Variants in GRID2 observed in about 807,000 individuals in gnomAD.
GRID2 encodes the protein glutamate receptor ionotropic, delta-2.
In GRID2, 33 loss-of-function variants were observed where a neutral mutation model predicts 114.8. The ratio of observed to expected loss-of-function variants is 0.29; its 90% CI spans 0.22 to 0.38. The LOEUF is 0.38. Ranked by LOEUF, GRID2 falls within the 10% of genes least tolerant of loss-of-function variation. The pLI is 1.00. For missense variants in GRID2, 1,184 were observed against 1,257.7 expected, an observed-to-expected ratio of 0.94 and a Z score of 0.89; for synonymous variants, 505 against 449.9, an observed-to-expected ratio of 1.12 and a Z score of -1.55.
chr4:93,428,250 A>G (rs1376205712), intron 10 of GRID2, among the ~76,000 whole-genome samples: 2 of 152,126 alleles, frequency 1.3e-5, no homozygotes, highest in African/African-American at 4.8e-5. Context: ...TTCCTTTTTC[A>G]TATATTAATT....
rs147174771 is a variant in GRID2, at chr4:92,417,341, A to G, written c.88+112597A>G. Among the ~76,000 whole-genome samples the G allele has an allele frequency of 4.3e-3, 653 of 152,212 alleles. 5 individuals are homozygous for G. Among genetic ancestry groups the G allele is most frequent in the South Asian group, 0.029 (139 of 4,828 alleles). The stretch of plus-strand genomic sequence containing the variant: ...AATACTCTGAAAAGTAATCCCAAAG[A>G]CAATTGTTATGGTTTGACTATGTTC... On this transcript the variant is annotated intron_variant, in intron 1 of 15. Transcript: ENST00000282020.
chr4:93,370,592 TTTTTTGAGATCAGAG>T (rs1233530352), intron 8 of GRID2, among the ~76,000 whole-genome samples: 1 of 152,158 alleles, frequency 6.6e-6, no homozygotes, highest in African/African-American at 2.4e-5. Flanking sequence ...GCTCATGTTA[TTTTTTGAGATCAGAG>T]TGTTCTTCCC....
chr4:92,991,189 T>C (rs997177812), intron 2 of GRID2, among the ~76,000 whole-genome samples: 1 of 152,186 alleles, frequency 6.6e-6, no homozygotes, highest in African/African-American at 2.4e-5. Context: ...CCTGACTTTG[T>C]TTAAATTTTA....
chr4:92,603,419 C>G (rs1294296173), intron 2 of GRID2, among the ~76,000 whole-genome samples: 2 of 152,088 alleles, frequency 1.3e-5, no homozygotes, highest in Non-Finnish European at 2.9e-5. Context: ...TGATCTTAAA[C>G]AAACCTGACA....
chr4:93,024,220 G>A (rs1004635971), intron 2 of GRID2, among the ~76,000 whole-genome samples: 2 of 151,558 alleles, frequency 1.3e-5, no homozygotes, highest in Non-Finnish European at 3.0e-5. Flanking sequence ...ACTCCAAAAT[G>A]TATTATGCAA....
At chr4:93,175,393 A>G (rs1739258551) in intron 4 of GRID2, among the ~76,000 whole-genome samples, 1 of 151,964 alleles carries the variant, frequency 6.6e-6, no homozygotes, top group Non-Finnish European at 1.5e-5. Flanking sequence ...CTGGTCTCGA[A>G]CTCCTGACCT....
chr4:93,398,149 A>ATC (rs1360710169), intron 9 of GRID2, among the ~76,000 whole-genome samples: 4 of 145,396 alleles, frequency 2.8e-5, no homozygotes, highest in African/African-American at 5.3e-5. Flanking sequence ...ATATATATAT[A>ATC]TATCTTATCA....
At chr4:93,015,698 A>G (rs1177504624) in intron 2 of GRID2, among the ~76,000 whole-genome samples, 1 of 152,152 alleles carries the variant, frequency 6.6e-6, no homozygotes, top group Non-Finnish European at 1.5e-5. Flanking sequence ...TAGACCCACA[A>G]TTCTGTTTTA....
chr4:92,720,832 C>G (rs1281567316), intron 2 of GRID2, among the ~76,000 whole-genome samples: 1 of 151,988 alleles, frequency 6.6e-6, no homozygotes, highest in Non-Finnish European at 1.5e-5. Context: ...GCAGCAGGGA[C>G]TTGAACAGAT....
At chr4:92,394,741 A>G (rs903761174) in intron 1 of GRID2, among the ~76,000 whole-genome samples, 9 of 152,060 alleles carry the variant, frequency 5.9e-5, no homozygotes, top group African/African-American at 2.2e-4. Context: ...GCTGTCAGTA[A>G]ACATTTATTT....
intron 14 of GRID2, among the ~76,000 whole-genome samples, chr4:93,697,284 G>C (rs565931290): frequency 6.6e-6 from 1 of 152,226 alleles, no homozygotes; most frequent in South Asian, 2.1e-4. Context: ...AAGTAGACTA[G>C]TTTGTGGGCT....
At chr4:93,208,948 A>T (rs1339900087) in intron 5 of GRID2, among the ~76,000 whole-genome samples, 1 of 152,026 alleles carries the variant, frequency 6.6e-6, no homozygotes, top group Non-Finnish European at 1.5e-5. Context: ...TTCAAATTAA[A>T]TATTTTCATT....
chr4:92,803,674 C>T (rs761165869), intron 2 of GRID2, among the ~76,000 whole-genome samples: 7 of 151,976 alleles, frequency 4.6e-5, no homozygotes, highest in Non-Finnish European at 8.8e-5. Context: ...GGAGCCCACT[C>T]ACATGTGTTT....
At chr4:93,035,215 C>G (rs1318278781) in intron 2 of GRID2, among the ~76,000 whole-genome samples, 1 of 151,644 alleles carries the variant, frequency 6.6e-6, no homozygotes, top group Non-Finnish European at 1.5e-5. Flanking sequence ...AAGTGATCCT[C>G]CTATCACAGC....
In GRID2 at chr4:93,422,814, C is replaced by A; in HGVS notation, c.1391C>A (p.Pro464Gln). 1.2e-6 allele frequency: 2 copies of A among 1,613,414 alleles called. No homozygotes were observed. Among genetic ancestry groups the A allele is most frequent in the Middle Eastern group, 3.3e-4 (2 of 6,060 alleles). The change falls in exon 10 of 16, where the codon CCG (proline) becomes CAG (glutamine). Residue 464 changes from proline to glutamine, a missense_variant. Around this residue, in one of 3 missense-constraint regions of GRID2, gnomAD observed 717 missense variants for 796.9 expected, o/e 0.90. Coordinates refer to ENST00000282020, the MANE Select transcript of GRID2 (RefSeq NM_001510.4). The stretch of plus-strand genomic sequence containing the variant: ...GTCTCTGAAAATGTCTTGGGTAAGC[C>A]GAAGAAATACCAGGGCTTCTCCATT... ...VMVSENVLGK[P>Q]KKYQGFSIDV...
chr4:93,185,905 C>T (rs1235644209), intron 4 of GRID2, among the ~76,000 whole-genome samples: 1 of 152,044 alleles, frequency 6.6e-6, no homozygotes, highest in Non-Finnish European at 1.5e-5. Context: ...CTGACCCCCA[C>T]CCCATGACAG....
At chr4:92,686,188 A>T (rs1348400104) in intron 2 of GRID2, among the ~76,000 whole-genome samples, 1 of 152,108 alleles carries the variant, frequency 6.6e-6, no homozygotes, top group Non-Finnish European at 1.5e-5. Flanking sequence ...ATTCCTGCTT[A>T]AATTCAAGCA....
chr4:92,727,451 G>A (rs1182767710), intron 2 of GRID2, among the ~76,000 whole-genome samples: 1 of 151,926 alleles, frequency 6.6e-6, no homozygotes, highest in African/African-American at 2.4e-5. Context: ...CAAATCATAA[G>A]TATATTACTA....
intron 2 of GRID2, among the ~76,000 whole-genome samples, chr4:92,708,836 G>C (rs958266224): frequency 1.2e-4 from 18 of 152,154 alleles, no homozygotes; most frequent in Non-Finnish European, 2.4e-4. Context: ...TGACACAGGA[G>C]TATCCAGGCG....
Sources: gnomAD v4.1 joint callset for allele counts (sites outside exome capture counted in the v4.1 genomes callset) on GRCh38, gnomAD v4.1.1 for gene constraint, gnomAD v4.1.1 regional missense constraint, MANE v1.5 for transcripts, NCBI Gene and HGNC (gene_info 2026-07-23, HGNC 2026-07-21) for gene names.